The following TMEM200A variants were observed in gnomAD, a reference collection of about 807,000 sequenced individuals.
The protein encoded by TMEM200A is two transmembrane C.
TMEM200A carries 12 observed loss-of-function variants against 24.3 expected under a neutral mutation model. That is an observed-to-expected ratio of 0.49 (90% CI 0.32 to 0.80). TMEM200A has a LOEUF of 0.80. Among genes scored for constraint, TMEM200A ranks in the 30% least tolerant of loss-of-function variants. TMEM200A has a pLI of 0.04. For synonymous variants in TMEM200A, 224 were observed against 224.4 expected (o/e 1.00, Z 0.02); for missense variants, 545 against 614.4 (o/e 0.89, Z 1.19).
intron 2 of TMEM200A, among the ~76,000 whole-genome samples, chr6:130,434,896 A>G (rs1229365344): frequency 6.6e-6 from 1 of 152,140 alleles, no homozygotes; most frequent in African/African-American, 2.4e-5. Flanking sequence ...AAGACCCACA[A>G]TGAATCTCAG....
intron 2 of TMEM200A, among the ~76,000 whole-genome samples, chr6:130,391,619 G>C (rs1451975814): frequency 6.7e-6 from 1 of 150,374 alleles, no homozygotes; most frequent in Non-Finnish European, 1.5e-5. Flanking sequence ...TTAGCTCATA[G>C]TATTACTAGA....
At chr6:130,420,487 G>A (rs1212231) in intron 2 of TMEM200A, among the ~76,000 whole-genome samples, 3 of 152,084 alleles carry the variant, frequency 2.0e-5, no homozygotes, top group African/African-American at 7.2e-5. Context: ...TTTTCACCAG[G>A]AAGAGAGGAA....
At chr6:130,431,475 G>C (rs1043125098) in intron 2 of TMEM200A, among the ~76,000 whole-genome samples, 1 of 152,164 alleles carries the variant, frequency 6.6e-6, no homozygotes, top group Non-Finnish European at 1.5e-5. Flanking sequence ...CTTCCTGTCA[G>C]GAAATGCAGA....
chr6:130,370,394 C>T lies in TMEM200A; in HGVS notation c.-81+3870C>T, dbSNP rs56847671. 4.1e-3 allele frequency among the ~76,000 whole-genome samples: 621 copies of T among 152,176 alleles called. 7 individuals are homozygous for T. Among genetic ancestry groups the T allele is most frequent in the African/African-American group, 0.014 (577 of 41,504 alleles). ...TGCCCAACCCTGTGTATATGTGGTT[C>T]TGGTGCTGGGATGAGGAGGAGGAGG... On this transcript the variant is annotated intron_variant, in intron 1 of 2. Coordinates refer to ENST00000296978, the MANE Select transcript of TMEM200A (RefSeq NM_001258277.2).
chr6:130,393,029 C>T (rs1395731730), intron 2 of TMEM200A, among the ~76,000 whole-genome samples: 4 of 152,180 alleles, frequency 2.6e-5, no homozygotes, highest in Non-Finnish European at 4.4e-5. Flanking sequence ...ACAGTATAGA[C>T]TTACAAAATC....
At position 130,388,008 on chromosome 6, in the gene TMEM200A, A is replaced by G. The variant is rs376759055; in HGVS notation, c.-17+2772A>G. ...AAATAATTTTCCTTTCACAGGTGGA[A>G]GTTTTCATGATGGGAGTTGAAGGTA... On this transcript the variant is annotated intron_variant, in intron 2 of 2. Transcript: ENST00000296978. Among the ~76,000 whole-genome samples the G allele has an allele frequency of 6.6e-5, 10 of 152,298 alleles. No individual in the cohort carries two copies. The South Asian group carries it at 2.1e-3, about 32-fold the overall frequency.
At position 130,441,779 on chromosome 6, in the gene TMEM200A, G is replaced by T. The variant is rs760183767; in HGVS notation, c.1357G>T (p.Asp453Tyr). ...LLVPQVAIKK[D>Y]FTNKEKLLMI... ...TGTGCCCCAAGTTGCCATCAAAAAG[G>T]ACTTTACCAATAAGGAGAAGCTTCT... is the stretch of plus-strand genomic sequence containing the variant. The change falls in exon 3 of 3, where the codon GAC (aspartate) becomes TAC (tyrosine). Residue 453 changes from aspartate to tyrosine, a missense_variant. Coordinates refer to ENST00000296978, the MANE Select transcript of TMEM200A (RefSeq NM_001258277.2). 6.2e-7 allele frequency: 1 copy of T among 1,614,038 alleles called. No individual in the cohort carries two copies. The highest frequency in any genetic ancestry group is 8.5e-7 in the Non-Finnish European group (1 of 1,179,972).
chr6:130,387,246 AT>A (rs1184361282), intron 2 of TMEM200A, among the ~76,000 whole-genome samples: 1 of 152,156 alleles, frequency 6.6e-6, no homozygotes, highest in African/African-American at 2.4e-5. Context: ...TTGTAGCAGA[AT>A]GGATATTTTT....
intron 2 of TMEM200A, among the ~76,000 whole-genome samples, chr6:130,389,394 G>A (rs759786166): frequency 6.6e-5 from 10 of 152,042 alleles, no homozygotes; most frequent in Non-Finnish European, 1.0e-4. Flanking sequence ...ACTGTGTCAC[G>A]TCTTCCCTCA....
Position 130,441,356 on chromosome 6 carries a change from G to A in TMEM200A, c.934G>A (p.Ala312Thr). 1.9e-6 allele frequency: 3 copies of A among 1,614,116 alleles called. No individual in the cohort carries two copies. The highest frequency in any genetic ancestry group is 2.5e-6 in the Non-Finnish European group (3 of 1,179,996). The change falls in exon 3 of 3, where the codon GCT becomes ACT. Residue 312 changes from alanine (A) to threonine (T), a missense_variant. By Grantham distance (58) the Ala-to-Thr change is moderately conservative. Transcript: ENST00000296978. ...CAGTATAGATAACATCACTGAAGATGCTGACAACCTCAAAAGTAGGTCAAG... is the reference window on the plus strand; with the variant it reads ...CAGTATAGATAACATCACTGAAGATACTGACAACCTCAAAAGTAGGTCAAG... ...EPSIDNITED[A>T]DNLKSRSRNL...
intron 2 of TMEM200A, among the ~76,000 whole-genome samples, chr6:130,418,864 G>A (rs1391060186): frequency 6.6e-6 from 1 of 152,082 alleles, no homozygotes; most frequent in African/African-American, 2.4e-5. Context: ...GGTCAACTCA[G>A]AATATTTAGG....
At chr6:130,404,682 A>G (rs1356342199) in intron 2 of TMEM200A, among the ~76,000 whole-genome samples, 2 of 152,020 alleles carry the variant, frequency 1.3e-5, no homozygotes, top group African/African-American at 4.8e-5. Flanking sequence ...TAAATTAAAT[A>G]CCATTTGTCA....
chr6:130,405,065 T>C (rs1779175309), intron 2 of TMEM200A, among the ~76,000 whole-genome samples: 1 of 152,176 alleles, frequency 6.6e-6, no homozygotes, highest in African/African-American at 2.4e-5. Flanking sequence ...CCCTGTAGTA[T>C]AGTTTGAAGT....
intron 2 of TMEM200A, among the ~76,000 whole-genome samples, chr6:130,410,345 G>T (rs1779303129): frequency 6.6e-6 from 1 of 152,162 alleles, no homozygotes; most frequent in Admixed American, 6.6e-5. Context: ...AAAATCTCTG[G>T]AGTGATACAA....
chr6:130,438,776 G>A (rs1780082737), intron 2 of TMEM200A: 1 of 152,200 alleles, frequency 6.6e-6, no homozygotes, highest in Admixed American at 6.5e-5. Flanking sequence ...TAGAAGAACT[G>A]TGATACTATA....
intron 2 of TMEM200A, among the ~76,000 whole-genome samples, chr6:130,403,044 T>C (rs913516990): frequency 6.6e-6 from 1 of 152,128 alleles, no homozygotes; most frequent in Non-Finnish European, 1.5e-5. Flanking sequence ...TTTCATATTG[T>C]TTCCATCCCT....
intron 1 of TMEM200A, among the ~76,000 whole-genome samples, chr6:130,367,057 C>T (rs949864294): frequency 6.6e-6 from 1 of 152,186 alleles, no homozygotes; most frequent in Non-Finnish European, 1.5e-5. Flanking sequence ...TAAATTGTTC[C>T]AGCCAACACT....
chr6:130,383,530 G>C (rs928408155), intron 1 of TMEM200A, among the ~76,000 whole-genome samples: 2 of 152,184 alleles, frequency 1.3e-5, no homozygotes, highest in Non-Finnish European at 2.9e-5. Flanking sequence ...TGTGTATCCA[G>C]ACATAGCTTT....
intron 2 of TMEM200A, among the ~76,000 whole-genome samples, chr6:130,409,968 T>C (rs1779295544): frequency 6.6e-6 from 1 of 152,198 alleles, no homozygotes; most frequent in Non-Finnish European, 1.5e-5. Flanking sequence ...AGATCTATGG[T>C]ATTTATTGCA....
Sources: allele counts gnomAD v4.1 joint callset (sites outside exome capture counted in the v4.1 genomes callset), GRCh38; gene constraint gnomAD v4.1.1; transcripts MANE v1.5; gene names NCBI Gene and HGNC (gene_info 2026-07-23, HGNC 2026-07-21).